Variants in PLPP1 observed in about 807,000 individuals in gnomAD.
PLPP1 encodes phospholipid phosphatase 1, also known as lipid phosphate phosphohydrolase 1a.
PLPP1 carries 24 observed loss-of-function variants against 31.2 expected under a neutral mutation model. That is an observed-to-expected ratio of 0.77 (90% CI 0.56 to 1.08). The LOEUF is 1.08. Ranked by LOEUF, PLPP1 falls within the 50% of genes least tolerant of loss-of-function variation. PLPP1 has a pLI of 0.00. For synonymous variants in PLPP1, 146 were observed against 126.3 expected, an observed-to-expected ratio of 1.16 and a Z score of -1.05; for missense variants, 319 against 342.7, an observed-to-expected ratio of 0.93 and a Z score of 0.55.
intron 1 of PLPP1, among the ~76,000 whole-genome samples, chr5:55,487,386 GA>G (rs1190492147): frequency 3.9e-5 from 5 of 127,010 alleles, no homozygotes; most frequent in Non-Finnish European, 6.8e-5. Flanking sequence ...AAAAATGATG[GA>G]AAAAAAAAAG....
intron 1 of PLPP1, among the ~76,000 whole-genome samples, chr5:55,492,185 G>A (rs140141540): frequency 2.6e-5 from 4 of 152,092 alleles, no homozygotes; most frequent in Non-Finnish European, 4.4e-5. Context: ...CACTATATGC[G>A]CAATACTAAG....
chr5:55,491,264 A>T (rs1752882655), intron 1 of PLPP1: 3 of 785,090 alleles, frequency 3.8e-6, no homozygotes, highest in Non-Finnish European at 5.9e-6. Flanking sequence ...AGATTAAGGA[A>T]ATCATGCAGC....
Position 55,468,272 on chromosome 5 carries a change from C to CA in PLPP1, c.211-124dup, listed in dbSNP as rs1168000178. On this transcript the variant is annotated intron_variant, in intron 2 of 5. Transcript: ENST00000307259. ...AATATCTTTGTTTCAAAAACAGTCC[C>CA]AGCCCCTTTTTTCTTTACAATGGAG... The CA allele has an allele frequency of 1.7e-5, 15 of 892,062 alleles. No homozygotes were observed. The African/African-American group carries it at 2.2e-4, about 13-fold the overall frequency. 55.3% of individuals were successfully genotyped at this position (892,062 alleles called of 1,614,324 possible).
At chr5:55,449,399 A>G (rs1315278827) in intron 3 of PLPP1, among the ~76,000 whole-genome samples, 1 of 152,200 alleles carries the variant, frequency 6.6e-6, no homozygotes, top group Admixed American at 6.5e-5. Context: ...AAAATATCTG[A>G]CATGCCTGCT....
intron 1 of PLPP1, chr5:55,491,237 A>C (rs1344512896): frequency 2.0e-6 from 2 of 987,408 alleles, no homozygotes. Flanking sequence ...ATGGATCTCC[A>C]TTATACCCAA....
intron 1 of PLPP1, among the ~76,000 whole-genome samples, chr5:55,501,893 A>C (rs369777037): frequency 8.5e-5 from 13 of 152,344 alleles, no homozygotes; most frequent in African/African-American, 3.1e-4. Context: ...TTGAGACTCA[A>C]GAGTTCAGTA....
At chr5:55,480,658 T>G (rs975251371) in intron 1 of PLPP1, among the ~76,000 whole-genome samples, 2 of 152,220 alleles carry the variant, frequency 1.3e-5, no homozygotes, top group African/African-American at 4.8e-5. Context: ...TTCAGTTGTA[T>G]GTATATACCA....
At chr5:55,429,991 C>G (rs1266730284) in intron 4 of PLPP1, among the ~76,000 whole-genome samples, 12 of 152,126 alleles carry the variant, frequency 7.9e-5, no homozygotes, top group African/African-American at 2.9e-4. Flanking sequence ...CCCAAGCACA[C>G]CATCGGGCGT....
chr5:55,425,598 CA>C, intron 5 of PLPP1: 2 of 440,994 alleles, frequency 4.5e-6, no homozygotes, highest in Non-Finnish European at 7.7e-6. Context: ...TTAGTTTTTT[CA>C]AGTCATAATC....
At position 55,523,655 on chromosome 5, in the gene PLPP1, A is replaced by T. The variant is rs183017842; in HGVS notation, c.58+10917T>A. Among the ~76,000 whole-genome samples, 6 of 152,354 alleles carry T rather than the reference A, an allele frequency of 3.9e-5. No individual in the cohort carries two copies. The East Asian group carries it at 1.2e-3, about 29-fold the overall frequency. ...ATCCATTCTGGCATTTAGAAATAAAAGTTACAAAATTCACTATTAAAAATA... is the reference window on the plus strand; with the variant it reads ...ATCCATTCTGGCATTTAGAAATAAATGTTACAAAATTCACTATTAAAAATA... On this transcript the variant is annotated intron_variant, in intron 1 of 5. Transcript: ENST00000307259.
intron 1 of PLPP1, among the ~76,000 whole-genome samples, chr5:55,493,418 A>G (rs879800319): frequency 6.6e-6 from 1 of 152,102 alleles, no homozygotes; most frequent in Admixed American, 6.6e-5. Flanking sequence ...TTTCATGGGA[A>G]TAACAGTGCT....
chr5:55,511,650 GTTTTTTTTTTTT>G (rs1158182340), intron 1 of PLPP1, among the ~76,000 whole-genome samples: 20 of 51,492 alleles, frequency 3.9e-4, no homozygotes, highest in Middle Eastern at 0.013. Flanking sequence ...CACGTGTTGA[GTTTTTTTTTTTT>G]TTTTTTTTTT....
intron 1 of PLPP1, among the ~76,000 whole-genome samples, chr5:55,533,364 CAG>C (rs926882080): frequency 7.2e-6 from 1 of 138,674 alleles, no homozygotes; most frequent in African/African-American, 2.7e-5. Flanking sequence ...GCCTGGGTGA[CAG>C]AGAGAGACTG....
At chr5:55,441,964 T>C (rs1751631801) in intron 3 of PLPP1, 56 bp from the exon 4 acceptor site, 1 of 1,509,920 alleles carries the variant, frequency 6.6e-7, no homozygotes, top group Non-Finnish European at 9.2e-7. Context: ...AAAAGTATTG[T>C]TGATTTCATA....
intron 3 of PLPP1, among the ~76,000 whole-genome samples, chr5:55,443,206 TATATATAC>T (rs1340568848): frequency 1.7e-4 from 18 of 105,798 alleles, no homozygotes; most frequent in Non-Finnish European, 2.5e-4. Flanking sequence ...TATATATATA[TATATATAC>T]ACACACACAC....
At chr5:55,449,618 T>C (rs1751851270) in intron 3 of PLPP1, among the ~76,000 whole-genome samples, 1 of 152,204 alleles carries the variant, frequency 6.6e-6, no homozygotes, top group Admixed American at 6.5e-5. Context: ...AACATATATA[T>C]GTATTTATAA....
intron 5 of PLPP1, 58 bp downstream of exon 5, chr5:55,425,805 T>TTTAC (rs1751170902): frequency 7.1e-7 from 1 of 1,408,538 alleles, no homozygotes; most frequent in Non-Finnish European, 9.4e-7. Context: ...TTTTTTTCTA[T>TTTAC]TTACTTATAT....
At chr5:55,450,888 T>A (rs1449627174) in intron 3 of PLPP1, among the ~76,000 whole-genome samples, 1 of 152,144 alleles carries the variant, frequency 6.6e-6, no homozygotes, top group Non-Finnish European at 1.5e-5. Context: ...AAAGGTAAAT[T>A]CTTTCAGAAT....
chr5:55,472,708 GAGAA>G (rs373377475), intron 2 of PLPP1, among the ~76,000 whole-genome samples: 245 of 150,882 alleles, frequency 1.6e-3, no homozygotes, highest in African/African-American at 5.6e-3. Flanking sequence ...GAGAGAAAAA[GAGAA>G]AGAGAGAGAG....
Sources: allele counts gnomAD v4.1 joint callset (sites outside exome capture counted in the v4.1 genomes callset), GRCh38; gene constraint gnomAD v4.1.1; transcripts MANE v1.5; gene names NCBI Gene and HGNC (gene_info 2026-07-23, HGNC 2026-07-21).